RALGPS1: variants seen among roughly 807,000 people sequenced by gnomAD.
RALGPS1 encodes the protein Ral GEF with PH domain and SH3 binding motif 1.
Under a neutral mutation model 78.8 loss-of-function variants are expected in RALGPS1, and 19 were observed. The observed-to-expected ratio is 0.24, with a 90% CI of 0.17 to 0.35. RALGPS1 has a LOEUF of 0.35. RALGPS1 is among the 10% of genes least tolerant of loss of function. RALGPS1 has a pLI of 1.00. For synonymous variants in RALGPS1, 228 were observed against 256.3 expected (o/e 0.89, Z 1.06); for missense variants, 454 against 688.3 (o/e 0.66, Z 3.81).
At chr9:127,054,238 G>T (rs1353436856) in intron 7 of RALGPS1, among the ~76,000 whole-genome samples, 1 of 152,218 alleles carries the variant, frequency 6.6e-6, no homozygotes, top group Non-Finnish European at 1.5e-5. Flanking sequence ...CATCTGACCA[G>T]TGAGGCTTTT....
intron 4 of RALGPS1, among the ~76,000 whole-genome samples, chr9:127,018,712 GT>G (rs1283720869): frequency 1.3e-5 from 2 of 151,540 alleles, no homozygotes; most frequent in Non-Finnish European, 2.9e-5. Flanking sequence ...ACATAAACCA[GT>G]AACAGTCATT....
At chr9:127,063,918 A>G (rs2049442034) in intron 7 of RALGPS1, among the ~76,000 whole-genome samples, 1 of 152,142 alleles carries the variant, frequency 6.6e-6, no homozygotes, top group South Asian at 2.1e-4. Context: ...TTTTCTCATT[A>G]TTCTTTTATG....
At chr9:126,982,845 T>TTTC (rs1476375521) in intron 4 of RALGPS1, among the ~76,000 whole-genome samples, 1 of 118,538 alleles carries the variant, frequency 8.4e-6, no homozygotes, top group Admixed American at 8.6e-5. Context: ...TTCTTCCTTC[T>TTTC]TTCTTCCTCC....
At chr9:127,141,168 G>A (rs983799864) in intron 8 of RALGPS1, among the ~76,000 whole-genome samples, 3 of 152,110 alleles carry the variant, frequency 2.0e-5, no homozygotes, top group African/African-American at 7.2e-5. Context: ...TTCTGAGACC[G>A]ATGCAAAGAT....
At chr9:127,082,644 C>T (rs1476375583) in intron 8 of RALGPS1, among the ~76,000 whole-genome samples, 3 of 152,162 alleles carry the variant, frequency 2.0e-5, no homozygotes, top group Non-Finnish European at 4.4e-5. Flanking sequence ...GACTCGAGTT[C>T]ACATTCTGAG....
At chr9:127,213,113 G>C (rs1254340915) in intron 17 of RALGPS1, 64 bp downstream of exon 17, 12 of 1,592,342 alleles carry the variant, frequency 7.5e-6, no homozygotes, top group Non-Finnish European at 9.4e-6. Context: ...CTTGCACAGC[G>C]TGCATTTTGA....
At position 127,183,765 on chromosome 9, in the gene RALGPS1, T is replaced by C; in HGVS notation, c.910+8983T>C. On this transcript the variant is annotated intron_variant, in intron 11 of 18. Transcript: ENST00000259351. This position sits in a 1 kb window ranked among gnomAD's most constrained non-coding sequence, Gnocchi z 4.0. ...CATACTCTCTCTGCCCGTTTATATT[T>C]TCGGAATGGATGGGTGGGAGGGGCC... The C allele has an allele frequency of 1.0e-6, 1 of 982,422 alleles. No homozygotes were observed. Among genetic ancestry groups the C allele is most frequent in the East Asian group, 2.6e-5 (1 of 37,980 alleles). The allele number at this position is 982,422 out of a possible 1,614,324, so 60.9% of individuals were successfully genotyped here. A position where few individuals can be genotyped will look rare whatever the true frequency, so the allele number is the denominator to read the frequency against.
chr9:127,050,527 G>A (rs1378984086), intron 6 of RALGPS1, among the ~76,000 whole-genome samples: 4 of 152,146 alleles, frequency 2.6e-5, no homozygotes, highest in Non-Finnish European at 5.9e-5. Flanking sequence ...CAATGCTTGT[G>A]ATATCATTAC....
At chr9:127,014,430 G>A (rs1351279307) in intron 4 of RALGPS1, among the ~76,000 whole-genome samples, 2 of 152,132 alleles carry the variant, frequency 1.3e-5, no homozygotes, top group Admixed American at 6.5e-5. Flanking sequence ...GTTCCACTGC[G>A]TAGCCATTGC....
chr9:127,055,560 A>G (rs1256662052), intron 7 of RALGPS1, among the ~76,000 whole-genome samples: 2 of 152,142 alleles, frequency 1.3e-5, no homozygotes, highest in African/African-American at 2.4e-5. Flanking sequence ...TCTGACAGCT[A>G]CCCATTGAGA....
At chr9:127,119,247 C>T (rs1408312977) in intron 8 of RALGPS1, among the ~76,000 whole-genome samples, 1 of 152,196 alleles carries the variant, frequency 6.6e-6, no homozygotes, top group Non-Finnish European at 1.5e-5. Context: ...ACAGTCATGC[C>T]TATTTTGCCT....
chr9:127,105,595 T>TC (rs934307413), intron 8 of RALGPS1, among the ~76,000 whole-genome samples: 1 of 152,060 alleles, frequency 6.6e-6, no homozygotes, highest in South Asian at 2.1e-4. Flanking sequence ...CACCTTACTG[T>TC]CCCCCAGGGC....
At chr9:127,193,018 G>T (rs2061156982) in intron 11 of RALGPS1, among the ~76,000 whole-genome samples, 4 of 152,236 alleles carry the variant, frequency 2.6e-5, no homozygotes, top group Admixed American at 2.6e-4. Context: ...GACTGGAGGA[G>T]CACAGACCTC....
At chr9:127,131,119 G>C (rs539989080) in intron 8 of RALGPS1, among the ~76,000 whole-genome samples, 1 of 152,212 alleles carries the variant, frequency 6.6e-6, no homozygotes, top group Admixed American at 6.5e-5. Flanking sequence ...TGTGGGCTGT[G>C]GGGGTGGAGG....
chr9:126,974,724 C>G (rs1479685205), intron 3 of RALGPS1, among the ~76,000 whole-genome samples: 1 of 152,192 alleles, frequency 6.6e-6, no homozygotes. Context: ...AAGAGACTTA[C>G]GAGTGTTCTC....
At position 127,178,090 on chromosome 9, in the gene RALGPS1, G is replaced by T. The variant is rs1384816980; in HGVS notation, c.910+3308G>T. On this transcript the variant is annotated intron_variant, in intron 11 of 18. Coordinates refer to ENST00000259351, the MANE Select transcript of RALGPS1 (RefSeq NM_014636.3). ...CTAGGCTAAAGGGCATGGGGAAGAA[G>T]TGTTACCAATCCCAGGGATGGCTGA... 6 of 1,266,528 alleles carry T rather than the reference G, an allele frequency of 4.7e-6. No homozygotes were observed. The South Asian group carries it at 8.0e-5, about 17-fold the overall frequency. The allele number at this position is 1,266,528 out of a possible 1,614,324, so 78.5% of individuals were successfully genotyped here.
intron 3 of RALGPS1, among the ~76,000 whole-genome samples, chr9:126,976,182 C>G (rs183416947): frequency 6.6e-6 from 1 of 152,074 alleles, no homozygotes. Flanking sequence ...AATATTCAAC[C>G]AAATTAATGG....
At chr9:127,096,460 C>T (rs940469412) in intron 8 of RALGPS1, among the ~76,000 whole-genome samples, 7 of 152,150 alleles carry the variant, frequency 4.6e-5, no homozygotes, top group Admixed American at 4.6e-4. Context: ...GCTGCCAGGA[C>T]TGCTGCAGAA....
chr9:127,011,182 G>A (rs1419948628), intron 4 of RALGPS1, among the ~76,000 whole-genome samples: 2 of 151,870 alleles, frequency 1.3e-5, no homozygotes, highest in African/African-American at 2.4e-5. Context: ...CCCCCAGCCC[G>A]CCTTTTTTTT....
Sources: gnomAD v4.1 joint callset for allele counts (sites outside exome capture counted in the v4.1 genomes callset) on GRCh38, gnomAD v4.1.1 for gene constraint, Gnocchi (gnomAD v3.1) non-coding constraint, MANE v1.5 for transcripts, NCBI Gene and HGNC (gene_info 2026-07-23, HGNC 2026-07-21) for gene names.